GRID2: variants seen among roughly 807,000 people sequenced by gnomAD.
The protein encoded by GRID2 is glutamate receptor ionotropic, delta-2.
A neutral mutation model predicts 114.8 loss-of-function variants in GRID2; 33 were observed. That is an observed-to-expected ratio of 0.29 (90% confidence interval 0.22 to 0.38). GRID2 has a LOEUF of 0.38. Ranked by LOEUF, GRID2 falls within the 10% of genes least tolerant of loss-of-function variation. The probability of loss-of-function intolerance (pLI) is 1.00; values close to 1 mark genes in which losing one functional copy is unlikely to be tolerated. For missense variants in GRID2, 1,184 were observed against 1,257.7 expected, an observed-to-expected ratio of 0.94 and a Z score of 0.89; for synonymous variants, 505 against 449.9, an observed-to-expected ratio of 1.12 and a Z score of -1.55.
chr4:92,492,231 A>T (rs1035211487), intron 1 of GRID2, among the ~76,000 whole-genome samples: 1 of 152,192 alleles, frequency 6.6e-6, no homozygotes, highest in African/African-American at 2.4e-5. Flanking sequence ...CTGGAAAGAA[A>T]GACTCTACCG....
intron 1 of GRID2, among the ~76,000 whole-genome samples, chr4:92,307,567 G>C (rs980765876): frequency 6.6e-6 from 1 of 151,866 alleles, no homozygotes; most frequent in Non-Finnish European, 1.5e-5. Flanking sequence ...AGTTTAATAA[G>C]GTCAATTACA....
intron 2 of GRID2, among the ~76,000 whole-genome samples, chr4:92,756,843 T>C (rs1397088490): frequency 2.0e-5 from 3 of 152,224 alleles, no homozygotes; most frequent in East Asian, 1.9e-4. Flanking sequence ...GTTCTTTGTA[T>C]ATTCTGTGTA....
At chr4:92,503,148 A>G (rs753584231) in intron 1 of GRID2, among the ~76,000 whole-genome samples, 1 of 152,168 alleles carries the variant, frequency 6.6e-6, no homozygotes, top group Non-Finnish European at 1.5e-5. Context: ...CTAATTATGT[A>G]CATGCTATAT....
chr4:92,743,338 G>A (rs777371502), intron 2 of GRID2, among the ~76,000 whole-genome samples: 7 of 152,108 alleles, frequency 4.6e-5, no homozygotes, highest in Non-Finnish European at 8.8e-5. Flanking sequence ...GTTGTTATAG[G>A]CCATTATATT....
At chr4:92,624,479 T>C (rs747862372) in intron 2 of GRID2, among the ~76,000 whole-genome samples, 9 of 152,010 alleles carry the variant, frequency 5.9e-5, no homozygotes, top group Admixed American at 1.3e-4. Flanking sequence ...TGTCTTTTGA[T>C]TGGACAAGCT....
At chr4:93,551,933 G>T (rs564241776) in intron 13 of GRID2, among the ~76,000 whole-genome samples, 55 of 152,242 alleles carry the variant, frequency 3.6e-4, no homozygotes, top group Non-Finnish European at 6.9e-4. Flanking sequence ...ACAACGTGCA[G>T]GTTTGTTACA....
intron 13 of GRID2, among the ~76,000 whole-genome samples, chr4:93,537,819 C>T (rs946462483): frequency 6.6e-6 from 1 of 151,622 alleles, no homozygotes; most frequent in Admixed American, 6.6e-5. Context: ...TAAATATTTC[C>T]CCCTTTGTTA....
At chr4:93,676,391 A>G (rs550571490) in intron 14 of GRID2, among the ~76,000 whole-genome samples, 1 of 152,332 alleles carries the variant, frequency 6.6e-6, no homozygotes, top group African/African-American at 2.4e-5. Flanking sequence ...GCATAAGAAG[A>G]AGATAGAGTA....
intron 1 of GRID2, among the ~76,000 whole-genome samples, chr4:92,458,427 T>C (rs933776377): frequency 3.3e-5 from 5 of 152,174 alleles, no homozygotes; most frequent in African/African-American, 9.6e-5. Context: ...TAGTCTTTAA[T>C]GGTAAATTTT....
intron 8 of GRID2, among the ~76,000 whole-genome samples, chr4:93,337,067 G>A (rs1159294512): frequency 6.6e-6 from 1 of 152,050 alleles, no homozygotes; most frequent in East Asian, 1.9e-4. Flanking sequence ...ATGTATCTCA[G>A]TATTAAGTGT....
chr4:93,576,838 T>C (rs538216241), intron 13 of GRID2, among the ~76,000 whole-genome samples: 1 of 152,166 alleles, frequency 6.6e-6, no homozygotes, highest in South Asian at 2.1e-4. Context: ...AGGTGATTCA[T>C]ATTGGTTGGG....
intron 3 of GRID2, among the ~76,000 whole-genome samples, chr4:93,094,659 G>A (rs1443227024): frequency 6.6e-6 from 1 of 151,956 alleles, no homozygotes; most frequent in East Asian, 1.9e-4. Flanking sequence ...ATGATTGGGG[G>A]AAGGAATCCT....
chr4:93,580,713 T>C lies in GRID2; in HGVS notation c.2194-45556T>C, dbSNP rs1402280727. 2.6e-5 allele frequency among the ~76,000 whole-genome samples: 4 copies of C among 152,134 alleles called. No homozygotes were observed. The East Asian group carries it at 7.7e-4, about 29-fold the overall frequency. On this transcript the variant is annotated intron_variant, in intron 13 of 15. Coordinates refer to ENST00000282020, the MANE Select transcript of GRID2 (RefSeq NM_001510.4). ...GTCAGAAAACTGTCACTGAGGAAAG[T>C]GGAAAGTGAGATCCTCTTCCCCAGT... is the stretch of plus-strand genomic sequence containing the variant.
intron 9 of GRID2, among the ~76,000 whole-genome samples, chr4:93,412,083 C>T (rs1767211828): frequency 6.6e-6 from 1 of 151,830 alleles, no homozygotes; most frequent in Non-Finnish European, 1.5e-5. Flanking sequence ...AGTTGACAGC[C>T]CAATGTGCTG....
chr4:92,591,597 A>G (rs886320704), intron 2 of GRID2, among the ~76,000 whole-genome samples: 3 of 152,194 alleles, frequency 2.0e-5, no homozygotes, highest in Non-Finnish European at 4.4e-5. Flanking sequence ...AAGAGTAAGG[A>G]AAATAAAAGT....
At chr4:92,557,645 T>TTATATATATATATATATATATATGGTTA (rs138046427) in intron 1 of GRID2, among the ~76,000 whole-genome samples, 2 of 142,674 alleles carry the variant, frequency 1.4e-5, no homozygotes, top group African/African-American at 5.3e-5. Context: ...ATATATATGG[T>TTATATATATATATATATATATATGGTTA]TATATATATA....
chr4:93,053,532 A>C (rs1458419754), intron 2 of GRID2, among the ~76,000 whole-genome samples: 1 of 151,930 alleles, frequency 6.6e-6, no homozygotes, highest in African/African-American at 2.4e-5. Flanking sequence ...GTCTCATTGA[A>C]TACTGAAGGG....
chr4:92,398,951 C>A (rs554710174), intron 1 of GRID2, among the ~76,000 whole-genome samples: 1 of 152,070 alleles, frequency 6.6e-6, no homozygotes, highest in Non-Finnish European at 1.5e-5. Context: ...TCATAAAGTC[C>A]GTAACAACTC....
At chr4:92,327,450 C>T (rs1374529970) in intron 1 of GRID2, among the ~76,000 whole-genome samples, 2 of 151,856 alleles carry the variant, frequency 1.3e-5, no homozygotes. Flanking sequence ...GAGTGTACCA[C>T]ATGGTAGGGA....
Sources: allele counts gnomAD v4.1 joint callset (sites outside exome capture counted in the v4.1 genomes callset), GRCh38; gene constraint gnomAD v4.1.1; transcripts MANE v1.5; gene names NCBI Gene and HGNC (gene_info 2026-07-23, HGNC 2026-07-21).